The following GIPC2 variants were observed in gnomAD, a reference collection of about 807,000 sequenced individuals.
GIPC2 encodes GIPC PDZ domain containing family member 2.
In GIPC2, 30 loss-of-function variants were observed where a neutral mutation model predicts 30.6. The observed-to-expected ratio is 0.98, with a 90% CI of 0.73 to 1.33. GIPC2 has a LOEUF of 1.33. Among genes scored for constraint, GIPC2 ranks in the 40% most tolerant of loss-of-function variants. GIPC2 has a pLI of 0.00. For missense variants in GIPC2, 414 were observed against 390.3 expected, an observed-to-expected ratio of 1.06 and a Z score of -0.51; for synonymous variants, 167 against 150.0, an observed-to-expected ratio of 1.11 and a Z score of -0.83.
intron 2 of GIPC2, 196 bp from the exon 3 acceptor site, chr1:78,094,756 G>T (rs1165990051): frequency 4.2e-6 from 2 of 471,626 alleles, no homozygotes; most frequent in African/African-American, 3.9e-5. Context: ...TCAATACATT[G>T]TATTTAATGT....
chr1:78,103,430 A>ATG (rs746402923), intron 3 of GIPC2, among the ~76,000 whole-genome samples: 11 of 152,184 alleles, frequency 7.2e-5, no homozygotes, highest in Non-Finnish European at 1.5e-4. Context: ...GAGTTAATGT[A>ATG]TGTATGTGCT....
In GIPC2 at chr1:78,131,278, G is replaced by A. The variant is rs1245191322; in HGVS notation, c.797-4314G>A. Among the ~76,000 whole-genome samples the A allele has an allele frequency of 2.6e-5, 4 of 151,340 alleles. No homozygotes were observed. The East Asian group carries it at 7.8e-4, about 29-fold the overall frequency. On this transcript the variant is annotated intron_variant, in intron 5 of 5. Transcript: ENST00000370759. Reference sequence around the variant, plus strand: ...CTGGAGTGCAGTGTGGCGCGATCTCGGCTCACTGCAAGCTCCGCCTCCTGG... The same window carrying A: ...CTGGAGTGCAGTGTGGCGCGATCTCAGCTCACTGCAAGCTCCGCCTCCTGG...
chr1:78,127,845 A>C (rs1257670210), intron 5 of GIPC2, among the ~76,000 whole-genome samples: 1 of 152,112 alleles, frequency 6.6e-6, no homozygotes, highest in Non-Finnish European at 1.5e-5. Context: ...GTGTGCCTCC[A>C]TACCCAGCTA....
intron 3 of GIPC2, among the ~76,000 whole-genome samples, chr1:78,098,652 A>G (rs760398239): frequency 6.6e-6 from 1 of 152,174 alleles, no homozygotes; most frequent in Admixed American, 6.5e-5. Context: ...CAAAATTCAC[A>G]TGTTGAAGTC....
chr1:78,092,271 G>C (rs775135787), intron 2 of GIPC2, among the ~76,000 whole-genome samples: 2 of 152,126 alleles, frequency 1.3e-5, no homozygotes, highest in Non-Finnish European at 2.9e-5. Flanking sequence ...TGAGAAGGCA[G>C]AATTCTCTAA....
intron 4 of GIPC2, among the ~76,000 whole-genome samples, chr1:78,121,150 G>A (rs1409846820): frequency 6.6e-6 from 1 of 152,194 alleles, no homozygotes; most frequent in African/African-American, 2.4e-5. Context: ...AAGGAGAAGT[G>A]ACAACTAGAG....
At chr1:78,079,563 G>C (rs921775320) in intron 1 of GIPC2, among the ~76,000 whole-genome samples, 3 of 152,170 alleles carry the variant, frequency 2.0e-5, no homozygotes, top group Admixed American at 6.5e-5. Flanking sequence ...GTAAGGATCC[G>C]GGATGGAGGA....
intron 3 of GIPC2, among the ~76,000 whole-genome samples, chr1:78,104,784 ACAGT>A (rs938384794): frequency 6.6e-6 from 1 of 152,186 alleles, no homozygotes; most frequent in Non-Finnish European, 1.5e-5. Context: ...GGTTTGGGGG[ACAGT>A]CAGGGATAAA....
At chr1:78,074,578 C>T (rs1381663444) in intron 1 of GIPC2, among the ~76,000 whole-genome samples, 7 of 152,136 alleles carry the variant, frequency 4.6e-5, no homozygotes, top group African/African-American at 1.2e-4. Context: ...CCACAATTTA[C>T]GTGAGGATCA....
intron 3 of GIPC2, among the ~76,000 whole-genome samples, chr1:78,100,712 T>G (rs963205225): frequency 1.3e-5 from 2 of 151,992 alleles, no homozygotes; most frequent in African/African-American, 4.8e-5. Flanking sequence ...GGAGGGTCAC[T>G]TGAGGTCGGG....
At chr1:78,082,346 G>C (rs1661846451) in intron 2 of GIPC2, among the ~76,000 whole-genome samples, 1 of 152,176 alleles carries the variant, frequency 6.6e-6, no homozygotes, top group Non-Finnish European at 1.5e-5. Flanking sequence ...CTGATGCATT[G>C]TCACCATTAA....
chr1:78,078,961 C>T (rs1388526440), intron 1 of GIPC2, among the ~76,000 whole-genome samples: 1 of 152,088 alleles, frequency 6.6e-6, no homozygotes, highest in Non-Finnish European at 1.5e-5. Flanking sequence ...CCTTCTCCCT[C>T]AACCCATTCA....
chr1:78,082,584 A>AT (rs1410048122), intron 2 of GIPC2, among the ~76,000 whole-genome samples: 2 of 152,192 alleles, frequency 1.3e-5, no homozygotes, highest in Non-Finnish European at 2.9e-5. Context: ...ACGTGTGTGG[A>AT]TTTTTAAAAT....
At chr1:78,111,501 T>C (rs1373567100) in intron 3 of GIPC2, among the ~76,000 whole-genome samples, 1 of 152,104 alleles carries the variant, frequency 6.6e-6, no homozygotes, top group Non-Finnish European at 1.5e-5. Flanking sequence ...AGAAATAAAA[T>C]AGAATAAAGA....
At chr1:78,075,425 C>T (rs914220262) in intron 1 of GIPC2, among the ~76,000 whole-genome samples, 1 of 152,168 alleles carries the variant, frequency 6.6e-6, no homozygotes, top group Non-Finnish European at 1.5e-5. Flanking sequence ...TACTGTGTTC[C>T]AACCTTGATG....
chr1:78,047,324 G>T (rs1037793838), intron 1 of GIPC2, among the ~76,000 whole-genome samples: 1 of 152,312 alleles, frequency 6.6e-6, no homozygotes, highest in African/African-American at 2.4e-5. Context: ...GGCACCTGGA[G>T]TTCTTTAATT....
At chr1:78,080,607 T>A in intron 1 of GIPC2, 68 bp from the exon 2 acceptor site, 1 of 832,404 alleles carries the variant, frequency 1.2e-6, no homozygotes, top group Non-Finnish European at 1.9e-6. Flanking sequence ...AATAAATGTT[T>A]ATAAATAAAT....
chr1:78,107,824 CAAAAAAAAAAAAAAAAA>C (rs35134592), intron 3 of GIPC2, among the ~76,000 whole-genome samples: 485 of 28,858 alleles, frequency 0.017, 14 homozygotes, highest in South Asian at 0.089. Flanking sequence ...AACTCTGTCT[CAAAAAAAAAAAAAAAAA>C]AAAAAAAAAA....
At chr1:78,103,394 C>G (rs976748717) in intron 3 of GIPC2, among the ~76,000 whole-genome samples, 1 of 152,154 alleles carries the variant, frequency 6.6e-6, no homozygotes, top group African/African-American at 2.4e-5. Flanking sequence ...TGTTTACTTA[C>G]CCATAAAGTA....
Sources: allele counts gnomAD v4.1 joint callset (sites outside exome capture counted in the v4.1 genomes callset), GRCh38; gene constraint gnomAD v4.1.1; transcripts MANE v1.5; gene names NCBI Gene and HGNC (gene_info 2026-07-23, HGNC 2026-07-21).